POSTN: variants seen among roughly 807,000 people sequenced by gnomAD.
POSTN encodes periostin.
POSTN carries 71 observed loss-of-function variants against 104.5 expected under a neutral mutation model. The observed-to-expected ratio is 0.68, with a 90% CI of 0.56 to 0.83. The LOEUF (loss-of-function observed/expected upper bound fraction) is 0.83, where lower values mean the gene tolerates loss of function less well. Ranked by LOEUF, POSTN falls within the 40% of genes least tolerant of loss-of-function variation. The pLI is 0.00. For missense variants in POSTN, 949 were observed against 1,006.8 expected (o/e 0.94, Z 0.78); for synonymous variants, 355 against 340.7 (o/e 1.04, Z -0.46).
Position 37,584,853 on chromosome 13 carries a change from A to G in POSTN, c.971T>C (p.Leu324Pro). 1 of 1,613,912 alleles carries G rather than the reference A, an allele frequency of 6.2e-7. No homozygotes were observed. Among genetic ancestry groups the G allele is most frequent in the Non-Finnish European group, 8.5e-7 (1 of 1,179,940 alleles). The change falls in exon 8 of 23, where the codon CTG (leucine) becomes CCG (proline). Residue 324 changes from leucine (L) to proline (P), a missense_variant. Leu to Pro is a moderately conservative substitution (Grantham distance 98, BLOSUM62 -3). Coordinates refer to ENST00000379747, the MANE Select transcript of POSTN (RefSeq NM_006475.3). ...TCCTATCTCAATTGTATTTCCTTCC[A>G]GCGTCTCAAAGACTGCTCCTCCCAT... is the stretch of plus-strand genomic sequence containing the variant. The part of the protein sequence containing the change: ...SIMGGAVFET[L>P]EGNTIEIGCD...
At position 37,580,663 on chromosome 13, in the gene POSTN, C is replaced by G; in HGVS notation, c.1427G>C (p.Gly476Ala). ...CGCACCGTTTCTCCCTTGCTTACTC[C>G]CTTTCTCCATGCATGAATTTTCAAT... ...VCIENSCMEK[G>A]SKQGRNGAIH... Residue 476 changes from glycine to alanine, a missense_variant, in exon 11 of 23, where the codon GGG (glycine) becomes GCG (alanine). Coordinates refer to ENST00000379747, the MANE Select transcript of POSTN (RefSeq NM_006475.3). 1 of 1,613,906 alleles carries G rather than the reference C, an allele frequency of 6.2e-7. No homozygotes were observed. The highest frequency in any genetic ancestry group is 2.2e-5 in the East Asian group (1 of 44,882).
intron 11 of POSTN, 85 bp from the exon 12 acceptor site, chr13:37,580,076 T>G: frequency 7.7e-7 from 1 of 1,293,052 alleles, no homozygotes; most frequent in South Asian, 1.4e-5. Flanking sequence ...ATAGAATCCA[T>G]GTATTGTGGA....
intron 16 of POSTN, among the ~76,000 whole-genome samples, chr13:37,575,553 A>C (rs886142546): frequency 5.3e-5 from 8 of 152,122 alleles, no homozygotes; most frequent in African/African-American, 1.9e-4. Context: ...CTGAAGCCAC[A>C]CAGCCAGAGC....
At chr13:37,584,193 A>G in intron 8 of POSTN, 90 bp from the exon 9 acceptor site, 2 of 1,488,222 alleles carry the variant, frequency 1.3e-6, no homozygotes, top group Non-Finnish European at 1.8e-6. Flanking sequence ...ACTCTTTTCT[A>G]ATATTGTAAG....
rs1228509762 is a variant in POSTN, at chr13:37,569,364, T to G, written c.2367A>C (p.Lys789Asn). The stretch of plus-strand genomic sequence containing the variant: ...AATGACCATCACCACCTTCAATGAA[T>G]TTGGTGACCTTGGTGACCTCTGAGA... ...LLQEEVTKVTKFIEGGDGHLF... is the reference protein window; with the variant it reads ...LLQEEVTKVTNFIEGGDGHLF... Residue 789 changes from lysine (K) to asparagine (N), a missense_variant, in exon 21 of 23, where the codon AAA becomes AAC. By Grantham distance (94) the Lys-to-Asn change is moderately conservative (BLOSUM62 0). Coordinates refer to ENST00000379747, the MANE Select transcript of POSTN (RefSeq NM_006475.3). The G allele has an allele frequency of 1.2e-6, 2 of 1,612,540 alleles. No homozygotes were observed. The highest frequency in any genetic ancestry group is 1.3e-5 in the African/African-American group (1 of 74,860).
At chr13:37,564,215 T>TAC (rs1950021331) in intron 22 of POSTN, among the ~76,000 whole-genome samples, 2 of 133,438 alleles carry the variant, frequency 1.5e-5, no homozygotes, top group Admixed American at 1.5e-4. Context: ...TATATATATA[T>TAC]ATATATATAT....
In POSTN at chr13:37,563,130, T is replaced by C. The variant is rs1277695338; in HGVS notation, c.*203A>G. The C allele has an allele frequency of 5.8e-6, 2 of 346,794 alleles. No homozygotes were observed. Among genetic ancestry groups the C allele is most frequent in the African/African-American group, 4.2e-5 (2 of 47,212 alleles). 21.5% of individuals were successfully genotyped at this position (346,794 alleles called of 1,614,324 possible). A position where few individuals can be genotyped will look rare whatever the true frequency, so the allele number is the denominator to read the frequency against. On this transcript the variant is annotated 3_prime_UTR_variant, in exon 23 of 23. Coordinates refer to ENST00000379747, the MANE Select transcript of POSTN (RefSeq NM_006475.3). ...AAGGTGTTATATTTTCTTCAATTCC[T>C]TTACCACAGGAGGCTAACTCCACAA... is the stretch of plus-strand genomic sequence containing the variant.
At chr13:37,568,564 T>C (rs553910866) in intron 21 of POSTN, 1 of 152,132 alleles carries the variant, frequency 6.6e-6, no homozygotes, top group African/African-American at 2.4e-5. Flanking sequence ...GCTTAATTCT[T>C]TCCTTGTTAA....
intron 1 of POSTN, 119 bp from the exon 2 acceptor site, chr13:37,597,401 T>C (rs566336413): frequency 3.0e-6 from 2 of 663,588 alleles, no homozygotes; most frequent in South Asian, 2.0e-5. Flanking sequence ...AAAGACATGA[T>C]TCTAGCCTTG....
intron 2 of POSTN, among the ~76,000 whole-genome samples, chr13:37,592,510 G>A (rs1326163917): frequency 2.0e-5 from 3 of 152,108 alleles, no homozygotes; most frequent in East Asian, 1.9e-4. Context: ...GTGCTAGCCA[G>A]GATGGTCTCA....
chr13:37,584,960 A>G, intron 7 of POSTN, 32 bp from the exon 8 acceptor site: 1 of 1,608,464 alleles, frequency 6.2e-7, no homozygotes, highest in Non-Finnish European at 8.5e-7. Context: ...GGTAGCTTTC[A>G]GATCAAGGGA....
intron 9 of POSTN, among the ~76,000 whole-genome samples, 196 bp from the exon 10 acceptor site, chr13:37,582,710 T>C (rs751232645): frequency 9.8e-5 from 15 of 152,330 alleles, no homozygotes; most frequent in Non-Finnish European, 1.9e-4. Context: ...CTGTGACCTA[T>C]TGTATTAAAT....
chr13:37,577,042 G>C (rs890899904), intron 16 of POSTN, among the ~76,000 whole-genome samples: 1 of 151,936 alleles, frequency 6.6e-6, no homozygotes, highest in African/African-American at 2.4e-5. Flanking sequence ...AAAATGAAAA[G>C]AATTTCTGCT....
intron 2 of POSTN, 78 bp from the exon 3 acceptor site, chr13:37,592,242 T>C: frequency 2.2e-6 from 2 of 912,372 alleles, no homozygotes; most frequent in Non-Finnish European, 3.4e-6. Context: ...ACAAAATATT[T>C]CACTTATTGA....
Position 37,580,644 on chromosome 13 carries a change from G to C in POSTN, c.1446C>G (p.Asn482Lys). 1.2e-6 allele frequency: 2 copies of C among 1,613,976 alleles called. No homozygotes were observed. Among genetic ancestry groups the C allele is most frequent in the Non-Finnish European group, 1.7e-6 (2 of 1,179,946 alleles). The change falls in exon 11 of 23, where the codon AAC (asparagine) becomes AAG (lysine). Residue 482 changes from asparagine to lysine, a missense_variant. Asn to Lys is a moderately conservative substitution (Grantham distance 94). Coordinates refer to ENST00000379747, the MANE Select transcript of POSTN (RefSeq NM_006475.3). ...CMEKGSKQGR[N>K]GAIHIFREII... is the part of the protein sequence containing the mutation. ...TCTCGCGGAATATGTGAATCGCACC[G>C]TTTCTCCCTTGCTTACTCCCTTTCT... is the stretch of plus-strand genomic sequence containing the variant.
chr13:37,590,927 C>T (rs568009847), intron 3 of POSTN, among the ~76,000 whole-genome samples: 1 of 152,046 alleles, frequency 6.6e-6, no homozygotes, highest in Non-Finnish European at 1.5e-5. Flanking sequence ...TTTCTGGGAG[C>T]AAATGATTTA....
In POSTN at chr13:37,579,444, C is replaced by A. The variant is rs1950515413; in HGVS notation, c.1661-85G>T. On this transcript the variant is annotated intron_variant, in intron 12 of 22. Transcript: ENST00000379747. ...AAACAAAACACTTATTAGTCTTTAT[C>A]TTTTTCCATATTGTACTTTCTCATA... 12 of 1,119,164 alleles carry A rather than the reference C, an allele frequency of 1.1e-5. No individual in the cohort carries two copies. In the East Asian group the frequency reaches 2.9e-4, roughly 27 times the overall value. 69.3% of individuals were successfully genotyped at this position (1,119,164 alleles called of 1,614,324 possible).
chr13:37,591,993 T>A (rs537706760), intron 3 of POSTN, 107 bp downstream of exon 3: 42 of 641,556 alleles, frequency 6.5e-5, no homozygotes, highest in Admixed American at 3.4e-4. Flanking sequence ...TATCTTGGAT[T>A]TAGGATGGTG....
At chr13:37,566,475 A>G (rs2138143725) in intron 21 of POSTN, among the ~76,000 whole-genome samples, 1 of 152,246 alleles carries the variant, frequency 6.6e-6, no homozygotes, top group East Asian at 1.9e-4. Context: ...TGTGCTGAAC[A>G]TTGTTCTAAG....
Sources: gnomAD v4.1 joint callset for allele counts (sites outside exome capture counted in the v4.1 genomes callset) on GRCh38, gnomAD v4.1.1 for gene constraint, MANE v1.5 for transcripts, NCBI Gene and HGNC (gene_info 2026-07-23, HGNC 2026-07-21) for gene names.